Variants in STXBP5L observed in about 807,000 individuals in gnomAD.
STXBP5L encodes syntaxin binding protein 5L.
Under a neutral mutation model 144.5 loss-of-function variants are expected in STXBP5L, and 65 were observed. That is an observed-to-expected ratio of 0.45 (90% CI 0.37 to 0.55). STXBP5L has a LOEUF of 0.55. STXBP5L is among the 20% of genes least tolerant of loss of function. The probability of loss-of-function intolerance (pLI) is 0.00; values close to 1 mark genes in which losing one functional copy is unlikely to be tolerated. For missense variants in STXBP5L, 1,298 were observed against 1,405.5 expected (o/e 0.92, Z 1.22); for synonymous variants, 505 against 469.6 (o/e 1.08, Z -0.97).
intron 20 of STXBP5L, among the ~76,000 whole-genome samples, chr3:121,348,227 G>A (rs1339372395): frequency 6.6e-6 from 1 of 152,070 alleles, no homozygotes. Context: ...TGTGGTTTTT[G>A]TCGTTGGTTC....
rs368838145 is a variant in STXBP5L at position 121,407,410 on chromosome 3, G to A, written c.2755G>A (p.Glu919Lys). ...AATGAACTCATCTTCTGCATCCCAA[G>A]AAATAGGAGATCATCAGTATACAAT... ...VVMNSSSASQ[E>K]IGDHQYTIIC... The change falls in exon 23 of 27, where the codon GAA becomes AAA. Residue 919 changes from glutamate (E) to lysine (K), a missense_variant. Glu to Lys is a moderately conservative substitution (Grantham distance 56). Transcript: ENST00000471454. The A allele has an allele frequency of 1.2e-6, 2 of 1,612,982 alleles. No individual in the cohort carries two copies. The highest frequency in any genetic ancestry group is 1.3e-5 in the African/African-American group (1 of 74,862).
intron 2 of STXBP5L, among the ~76,000 whole-genome samples, chr3:120,914,717 A>G (rs1237903912): frequency 4.6e-5 from 7 of 152,118 alleles, no homozygotes; most frequent in Non-Finnish European, 7.4e-5. Flanking sequence ...GAATAATAGA[A>G]GATTCCCTGA....
chr3:120,991,827 G>A (rs183230716), intron 3 of STXBP5L, among the ~76,000 whole-genome samples: 22 of 149,126 alleles, frequency 1.5e-4, no homozygotes, highest in African/African-American at 4.7e-4. Flanking sequence ...GGGGGCAGGG[G>A]GGAGGGATAG....
chr3:121,341,310 A>C (rs2044702428), intron 20 of STXBP5L, among the ~76,000 whole-genome samples: 2 of 152,172 alleles, frequency 1.3e-5, no homozygotes, highest in African/African-American at 4.8e-5. Flanking sequence ...GAGAAATGCA[A>C]ATCGAAACTA....
chr3:120,997,624 G>C (rs1195095907), intron 3 of STXBP5L, among the ~76,000 whole-genome samples: 1 of 151,936 alleles, frequency 6.6e-6, no homozygotes, highest in Non-Finnish European at 1.5e-5. Context: ...TAGTGGGGTT[G>C]TTTGTTTTTT....
chr3:121,410,815 C>T (rs915989953), intron 23 of STXBP5L, among the ~76,000 whole-genome samples: 3 of 151,860 alleles, frequency 2.0e-5, no homozygotes, highest in Admixed American at 6.6e-5. Flanking sequence ...TTTTTTTCTT[C>T]TGTTATAAGA....
chr3:121,050,934 C>T (rs12491637), intron 5 of STXBP5L, among the ~76,000 whole-genome samples: 56,880 of 151,702 alleles, frequency 0.37, 10,846 homozygotes, highest in Non-Finnish European at 0.4. Context: ...GGGTTGCAAT[C>T]CTAGTCTCTG....
chr3:120,963,497 G>T (rs1413455645), intron 3 of STXBP5L, among the ~76,000 whole-genome samples: 1 of 152,160 alleles, frequency 6.6e-6, no homozygotes, highest in Non-Finnish European at 1.5e-5. Flanking sequence ...GTTGAGTTTT[G>T]TCAAAGGTCT....
intron 20 of STXBP5L, among the ~76,000 whole-genome samples, chr3:121,349,147 G>A (rs1049005196): frequency 9.9e-5 from 15 of 152,152 alleles, no homozygotes; most frequent in African/African-American, 2.9e-4. Context: ...CGGAGATTCT[G>A]GTACGTTGTG....
intron 3 of STXBP5L, among the ~76,000 whole-genome samples, chr3:120,961,760 A>G (rs1250762200): frequency 6.6e-6 from 1 of 152,204 alleles, no homozygotes; most frequent in Admixed American, 6.5e-5. Context: ...TTATAGTAGT[A>G]TGATTGATAA....
intron 3 of STXBP5L, among the ~76,000 whole-genome samples, chr3:121,010,647 A>G (rs1576653885): frequency 6.6e-6 from 1 of 151,910 alleles, no homozygotes; most frequent in Non-Finnish European, 1.5e-5. Context: ...CTAATAGCCT[A>G]CTGTTGACTG....
At chr3:121,347,895 A>G (rs534228670) in intron 20 of STXBP5L, among the ~76,000 whole-genome samples, 7 of 152,302 alleles carry the variant, frequency 4.6e-5, no homozygotes, top group Admixed American at 3.3e-4. Context: ...CAGTCATGTC[A>G]TCTGCAAACA....
At chr3:120,966,284 A>G (rs539967709) in intron 3 of STXBP5L, among the ~76,000 whole-genome samples, 3 of 152,288 alleles carry the variant, frequency 2.0e-5, no homozygotes, top group Admixed American at 6.5e-5. Context: ...ACTTCTGTCA[A>G]CTTGTCAAAG....
intron 3 of STXBP5L, among the ~76,000 whole-genome samples, chr3:121,036,763 CATTG>C (rs1469839331): frequency 1.7e-5 from 2 of 120,944 alleles, no homozygotes; most frequent in African/African-American, 3.3e-5. Context: ...GGATGACTTA[CATTG>C]ATTGATTTTT....
chr3:121,190,122 T>C (rs1340516085), intron 9 of STXBP5L, among the ~76,000 whole-genome samples: 1 of 152,042 alleles, frequency 6.6e-6, no homozygotes, highest in Non-Finnish European at 1.5e-5. Context: ...ATTTGGTAGG[T>C]TCATAGGACA....
chr3:121,198,816 A>T (rs1198267621), intron 9 of STXBP5L, among the ~76,000 whole-genome samples: 1 of 152,026 alleles, frequency 6.6e-6, no homozygotes, highest in Non-Finnish European at 1.5e-5. Context: ...ATTATTTCTG[A>T]GGTCTTTGTT....
At chr3:121,401,637 C>A (rs1241095458) in intron 22 of STXBP5L, among the ~76,000 whole-genome samples, 6 of 124,400 alleles carry the variant, frequency 4.8e-5, no homozygotes, top group Admixed American at 1.8e-4. Context: ...AGTAAACTAT[C>A]GCAAGAACAA....
chr3:121,202,888 T>A (rs2048191202), intron 9 of STXBP5L, among the ~76,000 whole-genome samples: 1 of 152,074 alleles, frequency 6.6e-6, no homozygotes, highest in African/African-American at 2.4e-5. Flanking sequence ...ACTTGGAGTT[T>A]ATTGAAATTC....
chr3:121,276,429 A>T (rs2050888536), intron 18 of STXBP5L, among the ~76,000 whole-genome samples: 1 of 151,922 alleles, frequency 6.6e-6, no homozygotes, highest in African/African-American at 2.4e-5. Flanking sequence ...ATTAATTTTC[A>T]TATTTAACAT....
Sources: gnomAD v4.1 joint callset for allele counts (sites outside exome capture counted in the v4.1 genomes callset) on GRCh38, gnomAD v4.1.1 for gene constraint, MANE v1.5 for transcripts, NCBI Gene and HGNC (gene_info 2026-07-23, HGNC 2026-07-21) for gene names.